The following MYL12A variants were observed in gnomAD, a reference collection of about 807,000 sequenced individuals.
MYL12A encodes myosin light chain 12A, also known as myosin regulatory light chain 12A.
In MYL12A, 11 loss-of-function variants were observed where a neutral mutation model predicts 13.3. The observed-to-expected ratio is 0.83, with a 90% CI of 0.52 to 1.37. The LOEUF is 1.37. Among genes scored for constraint, MYL12A ranks in the 40% most tolerant of loss-of-function variants. The pLI is 0.00. For synonymous variants in MYL12A, 51 were observed against 69.9 expected (o/e 0.73, Z 1.35); for missense variants, 146 against 212.3 (o/e 0.69, Z 1.94).
intron 3 of MYL12A, among the ~76,000 whole-genome samples, chr18:3,255,230 A>G (rs747326856): frequency 6.6e-6 from 1 of 152,252 alleles, no homozygotes; most frequent in Non-Finnish European, 1.5e-5. Flanking sequence ...TTTACATCTG[A>G]GAAAACCAAA....
intron 1 of MYL12A, among the ~76,000 whole-genome samples, chr18:3,251,895 T>G (rs992479516): frequency 2.0e-5 from 3 of 152,222 alleles, no homozygotes. Context: ...GTGACTATCC[T>G]TTGTGGAATT....
At chr18:3,252,397 TTGAG>T (rs922437632) in intron 1 of MYL12A, 1 of 1,465,176 alleles carries the variant, frequency 6.8e-7, no homozygotes, top group Non-Finnish European at 9.1e-7. Context: ...TTTTAACAGA[TTGAG>T]TATTGAAAAT....
chr18:3,249,925 A>C (rs1160793685), intron 1 of MYL12A: 6 of 152,130 alleles, frequency 3.9e-5, no homozygotes, highest in African/African-American at 1.2e-4. Context: ...ATAAATAAGT[A>C]AATAAAGACT....
At chr18:3,247,569 C>T (rs2081440894), upstream of MYL12A, 1 of 152,666 alleles carries the variant, frequency 6.6e-6, no homozygotes, top group Non-Finnish European at 1.5e-5. Context: ...GGGAGGAAGA[C>T]TTAACACTGC....
chr18:3,250,660 C>T lies in MYL12A; in HGVS notation c.-15-2573C>T, dbSNP rs755099661. The stretch of plus-strand genomic sequence containing the variant: ...CACTGCCAGTTTTTGATAGAATTAA[C>T]TACCTTAATTTGTTAGAATTGAGAC... On this transcript the variant is annotated intron_variant, in intron 1 of 3. Transcript: ENST00000217652. Among the ~76,000 whole-genome samples, 51 of 152,196 alleles carry T rather than the reference C, an allele frequency of 3.4e-4. 1 individual carries two copies. Among genetic ancestry groups the T allele is most frequent in the Non-Finnish European group, 4.1e-4 (28 of 68,036 alleles).
chr18:3,253,431 A>G lies in MYL12A; in HGVS notation c.181+3A>G, dbSNP rs766454081. The G allele has an allele frequency of 1.2e-6, 2 of 1,611,660 alleles. No homozygotes were observed. Among genetic ancestry groups the G allele is most frequent in the African/African-American group, 2.7e-5 (2 of 74,782 alleles). Reference sequence around the variant, plus strand: ...GCATGATATGCTTGCTTCATTGGGTAATGCTCAGTTTAAATATTAATCTAT... The same window carrying G: ...GCATGATATGCTTGCTTCATTGGGTGATGCTCAGTTTAAATATTAATCTAT... On this transcript the variant is annotated splice_donor_region_variant and intron_variant, in intron 2 of 3. Coordinates refer to ENST00000217652, the MANE Select transcript of MYL12A (RefSeq NM_006471.4).
At chr18:3,252,044 C>T (rs1009186181) in intron 1 of MYL12A, among the ~76,000 whole-genome samples, 8 of 152,056 alleles carry the variant, frequency 5.3e-5, no homozygotes, top group Non-Finnish European at 1.0e-4. Flanking sequence ...TTAAACACAT[C>T]GGAAACACAT....
chr18:3,254,589 T>C (rs2081519079), intron 3 of MYL12A, among the ~76,000 whole-genome samples: 1 of 152,240 alleles, frequency 6.6e-6, no homozygotes, highest in South Asian at 2.1e-4. Flanking sequence ...TCTGTTTTCT[T>C]ATTTGTAAAA....
intron 1 of MYL12A, chr18:3,248,732 G>T (rs1237706530): frequency 1.3e-5 from 2 of 152,212 alleles, no homozygotes; most frequent in African/African-American, 2.4e-5. Flanking sequence ...TTACTGGCAA[G>T]TCAGCCCTCA....
At position 3,255,785 on chromosome 18, in the gene MYL12A, C is replaced by A; in HGVS notation, c.383C>A (p.Thr128Asn). ...QEDYLRELLT[T>N]MGDRFTDEEV... ...GATTACTTGAGAGAGCTGCTGACAA[C>A]CATGGGGGATCGGTTTACAGATGAG... Residue 128 changes from threonine (T) to asparagine (N), a missense_variant, in exon 4 of 4, where the codon ACC becomes AAC. By Grantham distance (65) the Thr-to-Asn change is moderately conservative. Transcript: ENST00000217652. The A allele has an allele frequency of 6.2e-7, 1 of 1,613,992 alleles. No homozygotes were observed. Among genetic ancestry groups the A allele is most frequent in the Non-Finnish European group, 8.5e-7 (1 of 1,179,974 alleles).
chr18:3,254,312 C>T (rs1405053891), intron 3 of MYL12A, among the ~76,000 whole-genome samples: 1 of 152,090 alleles, frequency 6.6e-6, no homozygotes, highest in African/African-American at 2.4e-5. Context: ...AAGGGTTAGG[C>T]TCTCAGAAAA....
chr18:3,253,769 T>G, intron 2 of MYL12A, 120 bp from the exon 3 acceptor site: 2 of 1,136,984 alleles, frequency 1.8e-6, no homozygotes, highest in Non-Finnish European at 2.5e-6. Flanking sequence ...AGTTTCACTC[T>G]CATGAGTGCA....
intron 3 of MYL12A, among the ~76,000 whole-genome samples, chr18:3,254,725 T>C (rs1377530953): frequency 1.3e-5 from 2 of 152,242 alleles, no homozygotes; most frequent in African/African-American, 4.8e-5. Context: ...GTTATCTATA[T>C]AGGGGCCTGA....
At position 3,255,900 on chromosome 18, in the gene MYL12A, CA is replaced by C. The variant is rs1034003743; in HGVS notation, c.501del (p.Asp168ThrfsTer30). ...TCACACGCATCCTGAAACATGGAGC[CA>C]AAGACAAAGATGACTGAAATAACTT... The part of the protein sequence containing the change: ...EFTRILKHGA[K>X]DKDD On this transcript the variant is annotated frameshift_variant, in exon 4 of 4. Transcript: ENST00000217652. LOFTEE classifies it high-confidence loss of function. 1 of 1,613,260 alleles carries C rather than the reference CA, an allele frequency of 6.2e-7. No homozygotes were observed. Among genetic ancestry groups the C allele is most frequent in the African/African-American group, 1.3e-5 (1 of 74,852 alleles).
chr18:3,253,024 C>T (rs1460507603), intron 1 of MYL12A, among the ~76,000 whole-genome samples: 1 of 152,120 alleles, frequency 6.6e-6, no homozygotes, highest in Admixed American at 6.5e-5. Flanking sequence ...ATCAAATCAG[C>T]AGATTTGGTT....
At chr18:3,252,552 G>C in intron 1 of MYL12A, 1 of 1,045,274 alleles carries the variant, frequency 9.6e-7, no homozygotes, top group Non-Finnish European at 1.3e-6. Context: ...TTAAAAGCTT[G>C]TGCTCTGATT....
chr18:3,255,515 A>T, intron 3 of MYL12A: 1 of 417,234 alleles, frequency 2.4e-6, no homozygotes, highest in East Asian at 4.0e-5. Flanking sequence ...CTGAATGTGG[A>T]GGCAGAATGA....
At chr18:3,251,175 CTA>C (rs1419996572) in intron 1 of MYL12A, among the ~76,000 whole-genome samples, 9 of 149,612 alleles carry the variant, frequency 6.0e-5, no homozygotes, top group African/African-American at 2.2e-4. Flanking sequence ...CTTTAAAAAT[CTA>C]TTTTATAATA....
chr18:3,248,472 A>G (rs537963148), intron 1 of MYL12A: 68 of 152,310 alleles, frequency 4.5e-4, no homozygotes, highest in Non-Finnish European at 7.8e-4. Context: ...TTTGGGGGGA[A>G]AGTTTGGGCT....
Sources: allele counts gnomAD v4.1 joint callset (sites outside exome capture counted in the v4.1 genomes callset), GRCh38; gene constraint gnomAD v4.1.1; transcripts MANE v1.5; gene names NCBI Gene and HGNC (gene_info 2026-07-23, HGNC 2026-07-21).